FAM53B: variants seen among roughly 807,000 people sequenced by gnomAD.
FAM53B encodes the protein family with sequence similarity 53 member B, also known as protein FAM53B.
A neutral mutation model predicts 32.7 loss-of-function variants in FAM53B; 12 were observed. That is an observed-to-expected ratio of 0.37 (90% confidence interval 0.24 to 0.59). The LOEUF (loss-of-function observed/expected upper bound fraction) is 0.59, where lower values mean the gene tolerates loss of function less well. Among genes scored for constraint, FAM53B ranks in the 20% least tolerant of loss-of-function variants. The pLI, the probability that FAM53B is intolerant of heterozygous loss-of-function variation, is 0.72. For synonymous variants in FAM53B, 234 were observed against 228.7 expected (o/e 1.02, Z -0.21); for missense variants, 477 against 577.7 (o/e 0.83, Z 1.79).
chr10:124,735,502 G>C (rs1950168042), intron 1 of FAM53B, among the ~76,000 whole-genome samples: 1 of 152,202 alleles, frequency 6.6e-6, no homozygotes, highest in South Asian at 2.1e-4. Flanking sequence ...CGCTATCTGA[G>C]AGAGGAAGAT....
At chr10:124,628,434 T>C (rs1949369385) in intron 4 of FAM53B, among the ~76,000 whole-genome samples, 1 of 152,188 alleles carries the variant, frequency 6.6e-6, no homozygotes, top group South Asian at 2.1e-4. Flanking sequence ...CCACTGAACC[T>C]GGAGGGTTCC....
Position 124,682,072 on chromosome 10 carries a change from G to A in FAM53B, c.441C>T (p.Tyr147=), listed in dbSNP as rs1344659088. ...VWTPVEKRRC[Y]SGGSVQRYSN... ...AATAGCGCTGGACGCTGCCCCCGCTGTAGCAGCGTCTCTTTTCCACGGGAG... is the reference window on the plus strand; with the variant it reads ...AATAGCGCTGGACGCTGCCCCCGCTATAGCAGCGTCTCTTTTCCACGGGAG... The change falls in exon 4 of 5, where the codon TAC becomes TAT. Residue 147 remains tyrosine (Y), a synonymous_variant. Transcript: ENST00000337318. This position sits in a 1 kb window ranked among gnomAD's most constrained non-coding sequence, Gnocchi z 5.2. 1.2e-6 allele frequency: 2 copies of A among 1,613,796 alleles called. No individual in the cohort carries two copies. Among genetic ancestry groups the A allele is most frequent in the East Asian group, 2.2e-5 (1 of 44,868 alleles).
chr10:124,693,653 G>T (rs1036358626), intron 3 of FAM53B, among the ~76,000 whole-genome samples: 1 of 152,116 alleles, frequency 6.6e-6, no homozygotes, highest in Admixed American at 6.5e-5. Flanking sequence ...GCAGGAAAGG[G>T]ATAGAGGTGG....
At position 124,651,687 on chromosome 10, in the gene FAM53B, C is replaced by T. The variant is rs533577930; in HGVS notation, c.907-28083G>A. Among the ~76,000 whole-genome samples the T allele has an allele frequency of 8.6e-4, 131 of 152,234 alleles. No homozygotes were observed. Among genetic ancestry groups the T allele is most frequent in the Non-Finnish European group, 1.6e-3 (112 of 68,002 alleles). ...TGGAGACTGTCAGCTGACTTCCGAC[C>T]CTGGGGCCTGCCTGCTCTGGAGGGT... On this transcript the variant is annotated intron_variant, in intron 4 of 4. Transcript: ENST00000337318. This position sits in a 1 kb window ranked among gnomAD's most constrained non-coding sequence, Gnocchi z 5.2.
At chr10:124,672,393 C>T (rs908868527) in intron 4 of FAM53B, among the ~76,000 whole-genome samples, 1 of 152,260 alleles carries the variant, frequency 6.6e-6, no homozygotes, top group Non-Finnish European at 1.5e-5. Context: ...GATCAGGAAG[C>T]AGGAATAAGG....
chr10:124,739,170 G>GCTT (rs1950187355), intron 1 of FAM53B, among the ~76,000 whole-genome samples: 8 of 152,214 alleles, frequency 5.3e-5, no homozygotes, highest in African/African-American at 1.9e-4. Context: ...TCTGCTTTGA[G>GCTT]ATAAAACAGA....
intron 1 of FAM53B, among the ~76,000 whole-genome samples, chr10:124,728,514 G>A (rs545939734): frequency 7.2e-5 from 11 of 152,230 alleles, no homozygotes; most frequent in Non-Finnish European, 1.5e-4. Flanking sequence ...GCAGATGGAA[G>A]AGACAATTCT....
At position 124,681,878 on chromosome 10, in the gene FAM53B, C is replaced by A. The variant is rs777063879; in HGVS notation, c.635G>T (p.Ser212Ile). The change falls in exon 4 of 5, where the codon AGC (serine) becomes ATC (isoleucine). Residue 212 changes from serine to isoleucine, a missense_variant. Coordinates refer to ENST00000337318, the MANE Select transcript of FAM53B (RefSeq NM_014661.4). ...TCCTCCCACGGGGTGCAGGTCAGGG[C>A]TCCAGGTGTCACCTGCCTGTCCACA... Reference protein sequence around the residue: ...APCGQAGDTWSPDLHPVGGGR... With the variant: ...APCGQAGDTWIPDLHPVGGGR... 1 of 1,613,604 alleles carries A rather than the reference C, an allele frequency of 6.2e-7. No homozygotes were observed. Among genetic ancestry groups the A allele is most frequent in the South Asian group, 1.1e-5 (1 of 91,012 alleles).
At chr10:124,710,459 T>A (rs1222567973) in intron 1 of FAM53B, among the ~76,000 whole-genome samples, 1 of 152,252 alleles carries the variant, frequency 6.6e-6, no homozygotes, top group African/African-American at 2.4e-5. Context: ...TGGAATTTCC[T>A]GGGATTCCTA....
chr10:124,717,136 G>A (rs1021918034), intron 1 of FAM53B, among the ~76,000 whole-genome samples: 2 of 152,200 alleles, frequency 1.3e-5, no homozygotes, highest in African/African-American at 4.8e-5. Flanking sequence ...CTCTGGGCTT[G>A]ACAGTGCCAC....
In FAM53B at chr10:124,651,872, G is replaced by A. The variant is rs1564868142; in HGVS notation, c.907-28268C>T. Reference sequence around the variant, plus strand: ...GTCAGGACAACTGCGACTGAGGGCGGTTCTCAACCCAGACAGCCTTTGCTT... The same window carrying A: ...GTCAGGACAACTGCGACTGAGGGCGATTCTCAACCCAGACAGCCTTTGCTT... On this transcript the variant is annotated intron_variant, in intron 4 of 4. Transcript: ENST00000337318. The surrounding 1 kb of genome is among the most constrained non-coding windows in gnomAD (Gnocchi z 5.2). Among the ~76,000 whole-genome samples the A allele has an allele frequency of 6.6e-6, 1 of 152,236 alleles. No individual in the cohort carries two copies. The highest frequency in any genetic ancestry group is 2.4e-5 in the African/African-American group (1 of 41,464).
intron 1 of FAM53B, among the ~76,000 whole-genome samples, chr10:124,743,140 TG>T (rs1302836088): frequency 7.8e-5 from 1 of 12,742 alleles, no homozygotes; most frequent in African/African-American, 5.7e-4. Context: ...AGCTGGGGGC[TG>T]GGGGACAAGG....
At chr10:124,671,560 A>G (rs1196470659) in intron 4 of FAM53B, among the ~76,000 whole-genome samples, 1 of 152,208 alleles carries the variant, frequency 6.6e-6, no homozygotes, top group East Asian at 1.9e-4. Context: ...CTCCACCCAC[A>G]GAGCTCCAGC....
chr10:124,737,444 A>G (rs1027241148), intron 1 of FAM53B, among the ~76,000 whole-genome samples: 7 of 152,188 alleles, frequency 4.6e-5, no homozygotes, highest in African/African-American at 7.2e-5. Context: ...TCTGTGAGCA[A>G]TGATCAAGTT....
intron 3 of FAM53B, among the ~76,000 whole-genome samples, chr10:124,685,555 G>A (rs1394555945): frequency 6.6e-6 from 1 of 152,270 alleles, no homozygotes. Context: ...AGCGAGGGTG[G>A]CCGGTGCTCA....
chr10:124,708,638 G>A (rs1949977758), intron 1 of FAM53B, among the ~76,000 whole-genome samples: 1 of 152,280 alleles, frequency 6.6e-6, no homozygotes, highest in Admixed American at 6.5e-5. Flanking sequence ...CTCAGGAGCA[G>A]GCCAGAGAGG....
intron 4 of FAM53B, among the ~76,000 whole-genome samples, chr10:124,632,498 G>T (rs181452576): frequency 6.6e-6 from 1 of 152,226 alleles, no homozygotes; most frequent in Non-Finnish European, 1.5e-5. Context: ...CACAGTTTTG[G>T]GGGTGGCTTC....
intron 3 of FAM53B, among the ~76,000 whole-genome samples, chr10:124,694,211 G>A (rs1384248256): frequency 6.6e-6 from 1 of 152,230 alleles, no homozygotes; most frequent in Non-Finnish European, 1.5e-5. Context: ...AAGAGCCTGG[G>A]ACGGAGGCAT....
intron 4 of FAM53B, among the ~76,000 whole-genome samples, chr10:124,660,847 T>C (rs569390625): frequency 2.6e-5 from 4 of 152,284 alleles, no homozygotes; most frequent in East Asian, 1.9e-4. Context: ...AACCCTGCCG[T>C]TGTAGCATGA....
Sources: allele counts gnomAD v4.1 joint callset (sites outside exome capture counted in the v4.1 genomes callset), GRCh38; gene constraint gnomAD v4.1.1; non-coding constraint Gnocchi (gnomAD v3.1); transcripts MANE v1.5; gene names NCBI Gene and HGNC (gene_info 2026-07-23, HGNC 2026-07-21).